The following MYO5B variants were observed in gnomAD, a reference collection of about 807,000 sequenced individuals.
The protein encoded by MYO5B is myosin VB.
In MYO5B, 143 loss-of-function variants were observed where a neutral mutation model predicts 229.3. That is an observed-to-expected ratio of 0.62 (90% CI 0.54 to 0.72). The LOEUF (loss-of-function observed/expected upper bound fraction) is 0.72. MYO5B is among the 30% of genes least tolerant of loss of function. The probability of loss-of-function intolerance (pLI) is 0.00; values close to 1 mark genes in which losing one functional copy is unlikely to be tolerated. For missense variants in MYO5B, 2,321 were observed against 2,331.0 expected (o/e 1.00, Z 0.09); for synonymous variants, 918 against 885.2 (o/e 1.04, Z -0.66).
chr18:50,141,970 G>A (rs2032424777), intron 1 of MYO5B, among the ~76,000 whole-genome samples: 2 of 152,154 alleles, frequency 1.3e-5, no homozygotes, highest in Admixed American at 6.5e-5. Context: ...CTCAAAATGG[G>A]GATAGTTTCT....
intron 6 of MYO5B, 100 bp from the exon 7 acceptor site, chr18:49,990,620 C>T: frequency 2.1e-6 from 2 of 932,542 alleles, no homozygotes; most frequent in Non-Finnish European, 3.4e-6. Flanking sequence ...GGAGGCTGAG[C>T]CCCCCACTCT....
intron 1 of MYO5B, among the ~76,000 whole-genome samples, chr18:50,066,572 G>A (rs2030824664): frequency 6.6e-6 from 1 of 152,186 alleles, no homozygotes; most frequent in African/African-American, 2.4e-5. Context: ...TGTTCAACCT[G>A]GGTACATTAG....
intron 1 of MYO5B, among the ~76,000 whole-genome samples, chr18:50,155,047 T>C (rs1342113751): frequency 6.6e-6 from 1 of 152,246 alleles, no homozygotes; most frequent in Admixed American, 6.5e-5. Context: ...CTAGTGGTTT[T>C]AACTCGGACA....
At chr18:49,829,662 T>C (rs1467227190) in intron 39 of MYO5B, among the ~76,000 whole-genome samples, 1 of 152,116 alleles carries the variant, frequency 6.6e-6, no homozygotes, top group African/African-American at 2.4e-5. Context: ...AAAACTATAT[T>C]CATCCCTTAT....
intron 5 of MYO5B, among the ~76,000 whole-genome samples, chr18:49,996,002 T>C (rs2025983319): frequency 6.6e-6 from 1 of 152,198 alleles, no homozygotes; most frequent in Non-Finnish European, 1.5e-5. Context: ...CAAAGGCCAG[T>C]TGGTGGAAAA....
intron 22 of MYO5B, among the ~76,000 whole-genome samples, chr18:49,889,913 G>T (rs1942322): frequency 0.58 from 88,196 of 151,862 alleles, 25,748 homozygotes; most frequent in Middle Eastern, 0.67. Flanking sequence ...GAGGCTTGTT[G>T]CTTCCCTCTG....
intron 1 of MYO5B, among the ~76,000 whole-genome samples, chr18:50,142,918 T>C (rs2032439695): frequency 1.3e-5 from 2 of 152,216 alleles, no homozygotes; most frequent in South Asian, 4.1e-4. Context: ...AGACATACGA[T>C]AGGAAAACAC....
At chr18:50,077,496 C>CACAA (rs1187895376) in intron 1 of MYO5B, among the ~76,000 whole-genome samples, 1 of 122,476 alleles carries the variant, frequency 8.2e-6, no homozygotes, top group Non-Finnish European at 1.8e-5. Flanking sequence ...CACACACACA[C>CACAA]ACACAAACAC....
In MYO5B at chr18:49,875,847, C is replaced by T; in HGVS notation, c.3397-20G>A. On this transcript the variant is annotated intron_variant, in intron 25 of 39. Coordinates refer to ENST00000285039, the MANE Select transcript of MYO5B (RefSeq NM_001080467.3). ...AATTTCCTTCAAAGGAAGACAGGCA[C>T]AGAAAAAAGGTTTTCCTAAATACAT... 6 of 1,613,856 alleles carry T rather than the reference C, an allele frequency of 3.7e-6. No individual in the cohort carries two copies. In the South Asian group the frequency reaches 6.6e-5, roughly 18 times the overall value.
chr18:50,083,481 A>C (rs189742146), intron 1 of MYO5B, among the ~76,000 whole-genome samples: 1 of 152,320 alleles, frequency 6.6e-6, no homozygotes, highest in Admixed American at 6.5e-5. Context: ...TAGCATACAA[A>C]AGACACTTTT....
intron 33 of MYO5B, 76 bp downstream of exon 33, chr18:49,847,070 G>A: frequency 1.3e-6 from 2 of 1,582,010 alleles, no homozygotes. Flanking sequence ...GGGTGTGGGG[G>A]TTGTGCTGGG....
At chr18:50,057,998 T>C (rs2030593514) in intron 1 of MYO5B, among the ~76,000 whole-genome samples, 1 of 152,182 alleles carries the variant, frequency 6.6e-6, no homozygotes, top group African/African-American at 2.4e-5. Context: ...CCTGTTTTTC[T>C]ATAGCCCATG....
At chr18:50,176,668 T>C (rs956087573) in intron 1 of MYO5B, among the ~76,000 whole-genome samples, 2 of 152,248 alleles carry the variant, frequency 1.3e-5, no homozygotes, top group Admixed American at 6.5e-5. Flanking sequence ...CAAGGAACTT[T>C]GTAAAACTTC....
chr18:50,151,980 T>A (rs2032606330), intron 1 of MYO5B, among the ~76,000 whole-genome samples: 1 of 152,194 alleles, frequency 6.6e-6, no homozygotes, highest in African/African-American at 2.4e-5. Flanking sequence ...TCCGCCCCGT[T>A]CAGATCCTTC....
At chr18:49,911,895 G>C (rs888539669) in intron 18 of MYO5B, among the ~76,000 whole-genome samples, 167 bp downstream of exon 18, 4 of 152,118 alleles carry the variant, frequency 2.6e-5, no homozygotes, top group African/African-American at 9.7e-5. Context: ...AAGGAGAATG[G>C]GTTGCTTTTT....
intron 1 of MYO5B, among the ~76,000 whole-genome samples, chr18:50,149,865 C>T (rs990594816): frequency 4.7e-5 from 7 of 150,000 alleles, no homozygotes; most frequent in Admixed American, 4.0e-4. Flanking sequence ...TTCTGCACAG[C>T]AAAAGAAACT....
At chr18:49,988,985 G>A (rs2025900358) in intron 7 of MYO5B, among the ~76,000 whole-genome samples, 2 of 152,106 alleles carry the variant, frequency 1.3e-5, no homozygotes, top group Admixed American at 1.3e-4. Flanking sequence ...TTTCTCCCTG[G>A]GGTCCCAATT....
chr18:49,929,556 C>G lies in MYO5B; in HGVS notation c.2046G>C (p.Gly682=), dbSNP rs374215142. The change falls in exon 17 of 40, where the codon GGG becomes GGC. Residue 682 remains glycine, a synonymous_variant. Coordinates refer to ENST00000285039, the MANE Select transcript of MYO5B (RefSeq NM_001080467.3). ...KRAVQQLRAC[G]VLETIRISAA... ...CACTGATTCGAATCGTCTCCAACAC[C>G]CCGCAGGCTCTGAGTTGCTGCACTG... The G allele has an allele frequency of 1.2e-6, 2 of 1,609,322 alleles. No individual in the cohort carries two copies. The highest frequency in any genetic ancestry group is 1.7e-6 in the Non-Finnish European group (2 of 1,179,216).
chr18:50,045,341 C>T (rs149108733), intron 2 of MYO5B, among the ~76,000 whole-genome samples: 139 of 152,246 alleles, frequency 9.1e-4, no homozygotes, highest in African/African-American at 3.2e-3. Context: ...AGTAGTATTG[C>T]GTGACTCAGT....
Sources: allele counts gnomAD v4.1 joint callset (sites outside exome capture counted in the v4.1 genomes callset), GRCh38; gene constraint gnomAD v4.1.1; transcripts MANE v1.5; gene names NCBI Gene and HGNC (gene_info 2026-07-23, HGNC 2026-07-21).